Variants in ABHD17B observed in about 807,000 individuals in gnomAD.
ABHD17B encodes abhydrolase domain containing 17B, depalmitoylase.
ABHD17B carries 9 observed loss-of-function variants against 26.2 expected under a neutral mutation model. That is an observed-to-expected ratio of 0.34 (90% CI 0.21 to 0.60). The LOEUF (loss-of-function observed/expected upper bound fraction) is 0.60. ABHD17B is among the 20% of genes least tolerant of loss of function. ABHD17B has a pLI of 0.80. For synonymous variants in ABHD17B, 127 were observed against 122.3 expected (o/e 1.04, Z -0.25); for missense variants, 224 against 352.1 (o/e 0.64, Z 2.91).
In ABHD17B at chr9:71,876,834, T is replaced by A. The variant is rs573145277; in HGVS notation, c.-3-1751A>T. On this transcript the variant is annotated intron_variant, in intron 1 of 3. Coordinates refer to ENST00000333421, the MANE Select transcript of ABHD17B (RefSeq NM_001025780.3). ...ACAGGAAGAGAGGAACAAGGGTAGGTATAACATAAAAGACTTCAAAAGGTG... is the reference window on the plus strand; with the variant it reads ...ACAGGAAGAGAGGAACAAGGGTAGGAATAACATAAAAGACTTCAAAAGGTG... Among the ~76,000 whole-genome samples, 4 of 152,180 alleles carry A rather than the reference T, an allele frequency of 2.6e-5. No individual in the cohort carries two copies. The East Asian group carries it at 7.7e-4, about 29-fold the overall frequency.
chr9:71,909,515 T>C (rs1023018249), intron 1 of ABHD17B, among the ~76,000 whole-genome samples: 3 of 152,198 alleles, frequency 2.0e-5, no homozygotes, highest in African/African-American at 7.2e-5. Context: ...AAAAAGTTCA[T>C]TTTAATGTAA....
intron 1 of ABHD17B, among the ~76,000 whole-genome samples, chr9:71,891,198 G>A (rs1404721797): frequency 6.6e-6 from 1 of 152,140 alleles, no homozygotes. Context: ...TAATAAAAGT[G>A]TCTACCAATC....
intron 1 of ABHD17B, among the ~76,000 whole-genome samples, chr9:71,904,982 C>T (rs1287797669): frequency 1.3e-5 from 2 of 152,040 alleles, no homozygotes; most frequent in African/African-American, 2.4e-5. Flanking sequence ...TTAAAAGATG[C>T]TCTGAAAGAA....
At chr9:71,900,870 C>T (rs1241577900) in intron 1 of ABHD17B, among the ~76,000 whole-genome samples, 1 of 151,854 alleles carries the variant, frequency 6.6e-6, no homozygotes, top group Non-Finnish European at 1.5e-5. Flanking sequence ...TTTGCATGGG[C>T]TGGGTGCAGT....
At chr9:71,868,257 C>T (rs1826014597) in intron 3 of ABHD17B, among the ~76,000 whole-genome samples, 1 of 152,002 alleles carries the variant, frequency 6.6e-6, no homozygotes, top group Middle Eastern at 3.4e-3. Context: ...AAAGAGCCTT[C>T]TTTGGAGATT....
chr9:71,873,601 T>C lies in ABHD17B; in HGVS notation c.467+1013A>G, dbSNP rs1437396190. Among the ~76,000 whole-genome samples the C allele has an allele frequency of 2.6e-5, 4 of 152,304 alleles. No individual in the cohort carries two copies. In the East Asian group the frequency reaches 5.8e-4, roughly 22 times the overall value. On this transcript the variant is annotated intron_variant, in intron 2 of 3. Transcript: ENST00000333421. The stretch of plus-strand genomic sequence containing the variant: ...TTAGTAGAGACGGGGTTTCACCATC[T>C]TGGCCAGGCTGGTCTCGAATACCTG...
intron 1 of ABHD17B, among the ~76,000 whole-genome samples, chr9:71,882,981 T>C (rs1310121984): frequency 6.6e-6 from 1 of 151,652 alleles, no homozygotes; most frequent in South Asian, 2.1e-4. Context: ...CTATCTCTAC[T>C]AAAAATGCAA....
At chr9:71,906,955 G>A (rs1426714206) in intron 1 of ABHD17B, among the ~76,000 whole-genome samples, 1 of 152,132 alleles carries the variant, frequency 6.6e-6, no homozygotes, top group Non-Finnish European at 1.5e-5. Context: ...TTGAGCTCGA[G>A]TATTTACAAA....
chr9:71,875,962 C>G (rs1459774488), intron 1 of ABHD17B, among the ~76,000 whole-genome samples: 1 of 152,208 alleles, frequency 6.6e-6, no homozygotes, highest in Non-Finnish European at 1.5e-5. Flanking sequence ...CAGGCTGTCA[C>G]TACACTATGT....
At chr9:71,906,044 G>A (rs1366961102) in intron 1 of ABHD17B, among the ~76,000 whole-genome samples, 2 of 151,914 alleles carry the variant, frequency 1.3e-5, no homozygotes, top group African/African-American at 2.4e-5. Context: ...GTGAGAATCT[G>A]TCTCAAAAAA....
rs140960070 is a variant in ABHD17B, at chr9:71,904,992, AT to A, written c.-4+5641del. ...AACTCTTAAAAGATGCTCTGAAAGAATTTTTATAACCCCAGTATAGAGAAGG... is the reference window on the plus strand; with the variant it reads ...AACTCTTAAAAGATGCTCTGAAAGAATTTTATAACCCCAGTATAGAGAAGG... On this transcript the variant is annotated intron_variant, in intron 1 of 3. Coordinates refer to ENST00000333421, the MANE Select transcript of ABHD17B (RefSeq NM_001025780.3). Among the ~76,000 whole-genome samples, 1,388 of 152,330 alleles carry A rather than the reference AT, an allele frequency of 9.1e-3. 21 individuals carry two copies. The highest frequency in any genetic ancestry group is 0.031 in the African/African-American group (1,285 of 41,570).
chr9:71,873,290 G>A (rs1036387692), intron 2 of ABHD17B, among the ~76,000 whole-genome samples: 1 of 151,530 alleles, frequency 6.6e-6, no homozygotes, highest in Non-Finnish European at 1.5e-5. Flanking sequence ...AGGTATCTTG[G>A]TGACTAGAAA....
intron 1 of ABHD17B, among the ~76,000 whole-genome samples, chr9:71,895,919 G>A (rs1353066425): frequency 6.6e-6 from 1 of 151,838 alleles, no homozygotes; most frequent in Non-Finnish European, 1.5e-5. Flanking sequence ...CAAAATTTTG[G>A]GACAAAAGGT....
At chr9:71,882,401 G>T (rs1410760146) in intron 1 of ABHD17B, among the ~76,000 whole-genome samples, 1 of 152,254 alleles carries the variant, frequency 6.6e-6, no homozygotes. Flanking sequence ...GCTCACGCCT[G>T]TAATCCCAGT....
downstream of ABHD17B, chr9:71,865,010 T>C (rs780409173): frequency 6.6e-5 from 17 of 258,036 alleles, no homozygotes; most frequent in Admixed American, 2.0e-4. Context: ...AAGACAATCT[T>C]GAGAAAGAAA....
chr9:71,882,551 G>T (rs1461810270), intron 1 of ABHD17B, among the ~76,000 whole-genome samples: 1 of 151,986 alleles, frequency 6.6e-6, no homozygotes, highest in Non-Finnish European at 1.5e-5. Flanking sequence ...CCAGCTACTT[G>T]GGAGGCTGAG....
downstream of ABHD17B, among the ~76,000 whole-genome samples, chr9:71,863,443 C>T (rs888048271): frequency 6.6e-6 from 1 of 152,136 alleles, no homozygotes; most frequent in African/African-American, 2.4e-5. Context: ...GATCTGACTG[C>T]CAATTTAATT....
chr9:71,872,352 T>A (rs571646542), intron 2 of ABHD17B, among the ~76,000 whole-genome samples: 1 of 152,218 alleles, frequency 6.6e-6, no homozygotes, highest in East Asian at 1.9e-4. Context: ...TCAAATATGT[T>A]AAAAAAATTA....
rs752418170 is a variant in ABHD17B, at chr9:71,866,919, T to C, written c.735A>G (p.Ala245=). The C allele has an allele frequency of 2.8e-5, 46 of 1,614,050 alleles. No homozygotes were observed. The highest frequency in any genetic ancestry group is 3.8e-5 in the Non-Finnish European group (45 of 1,180,038). ...CAGGTCTTTGGCAACGTTCAAACAA[T>C]GCGAGGCCATGTGAAAAGTCAATGA... ...DEVIDFSHGL[A]LFERCQRPVE... is the part of the protein sequence containing the mutation. Residue 245 remains alanine, a synonymous_variant, in exon 4 of 4, where the codon GCA becomes GCG. Coordinates refer to ENST00000333421, the MANE Select transcript of ABHD17B (RefSeq NM_001025780.3).
Sources: allele counts gnomAD v4.1 joint callset (sites outside exome capture counted in the v4.1 genomes callset), GRCh38; gene constraint gnomAD v4.1.1; transcripts MANE v1.5; gene names NCBI Gene and HGNC (gene_info 2026-07-23, HGNC 2026-07-21).